Variants in NEGR1 observed in about 807,000 individuals in gnomAD.
The protein encoded by NEGR1 is IgLON family member 4.
NEGR1 carries 10 observed loss-of-function variants against 40.9 expected under a neutral mutation model. The ratio of observed to expected loss-of-function variants is 0.24; its 90% CI spans 0.15 to 0.42. The LOEUF (loss-of-function observed/expected upper bound fraction) is 0.42. NEGR1 is among the 10% of genes least tolerant of loss of function. The probability of loss-of-function intolerance (pLI) is 1.00; values close to 1 mark genes in which losing one functional copy is unlikely to be tolerated. For synonymous variants in NEGR1, 185 were observed against 166.8 expected (o/e 1.11, Z -0.84); for missense variants, 352 against 438.9 (o/e 0.80, Z 1.77).
chr1:71,533,718 T>C (rs1647429719), intron 6 of NEGR1, among the ~76,000 whole-genome samples: 1 of 151,684 alleles, frequency 6.6e-6, no homozygotes, highest in Non-Finnish European at 1.5e-5. Flanking sequence ...AAGATTTCTA[T>C]TTTTAAACTT....
At chr1:71,702,829 T>A (rs1340976292) in intron 3 of NEGR1, among the ~76,000 whole-genome samples, 1 of 151,868 alleles carries the variant, frequency 6.6e-6, no homozygotes, top group Non-Finnish European at 1.5e-5. Flanking sequence ...CAATTAATAT[T>A]CATGGCTTTC....
At chr1:72,143,921 A>ATATATAT (rs1553145026) in intron 1 of NEGR1, among the ~76,000 whole-genome samples, 2,137 of 77,188 alleles carry the variant, frequency 0.028, 66 homozygotes, top group African/African-American at 0.11. Flanking sequence ...TATAATATAT[A>ATATATAT]TATATATATA....
intron 1 of NEGR1, among the ~76,000 whole-genome samples, chr1:72,022,544 A>AAC (rs1304705936): frequency 6.7e-6 from 1 of 150,214 alleles, no homozygotes; most frequent in African/African-American, 2.4e-5. Context: ...CATATATATA[A>AAC]ACACACACAT....
At chr1:71,916,760 GACAAA>G (rs1297006052) in intron 2 of NEGR1, among the ~76,000 whole-genome samples, 3 of 152,030 alleles carry the variant, frequency 2.0e-5, no homozygotes, top group African/African-American at 2.4e-5. Context: ...CTGTAAAAAA[GACAAA>G]ACAAAACAAA....
At chr1:72,111,164 G>A (rs143212910) in intron 1 of NEGR1, among the ~76,000 whole-genome samples, 35 of 150,766 alleles carry the variant, frequency 2.3e-4, no homozygotes, top group African/African-American at 7.5e-4. Context: ...TCAGGTTCTC[G>A]TGGATACTGA....
At chr1:71,669,188 A>G (rs190385822) in intron 4 of NEGR1, among the ~76,000 whole-genome samples, 206 of 152,250 alleles carry the variant, frequency 1.4e-3, no homozygotes, top group Non-Finnish European at 2.7e-3. Flanking sequence ...TGATATTAGT[A>G]AAATTATACC....
At chr1:71,692,494 C>T (rs1653321287) in intron 4 of NEGR1, among the ~76,000 whole-genome samples, 1 of 151,630 alleles carries the variant, frequency 6.6e-6, no homozygotes, top group Non-Finnish European at 1.5e-5. Flanking sequence ...CCGAGATTTT[C>T]CCTTTATTCA....
chr1:71,865,348 A>G (rs1443939652), intron 2 of NEGR1, among the ~76,000 whole-genome samples: 2 of 152,172 alleles, frequency 1.3e-5, no homozygotes, highest in Non-Finnish European at 2.9e-5. Flanking sequence ...ATGCCCATCA[A>G]TGATAGACTT....
intron 1 of NEGR1, among the ~76,000 whole-genome samples, chr1:72,085,269 A>T (rs1648169274): frequency 6.6e-6 from 1 of 152,226 alleles, no homozygotes; most frequent in Non-Finnish European, 1.5e-5. Context: ...AGTATTTGTT[A>T]TAACAGTGTC....
chr1:71,422,339 C>T (rs1389992543), intron 6 of NEGR1, among the ~76,000 whole-genome samples: 1 of 152,182 alleles, frequency 6.6e-6, no homozygotes, highest in Non-Finnish European at 1.5e-5. Flanking sequence ...TGTTACAGAA[C>T]TGGCTTATTT....
At chr1:72,076,304 TG>T (rs1327623192) in intron 1 of NEGR1, among the ~76,000 whole-genome samples, 2 of 152,134 alleles carry the variant, frequency 1.3e-5, no homozygotes, top group African/African-American at 4.8e-5. Flanking sequence ...TCTTTCACGA[TG>T]TGAAGATAAT....
chr1:71,807,111 T>A (rs1484816940), intron 2 of NEGR1, among the ~76,000 whole-genome samples: 2 of 151,958 alleles, frequency 1.3e-5, no homozygotes, highest in East Asian at 3.9e-4. Context: ...TTAGCCAGGA[T>A]GGTCTCAATC....
chr1:72,007,513 T>G (rs1221018893), intron 1 of NEGR1, among the ~76,000 whole-genome samples: 1 of 152,186 alleles, frequency 6.6e-6, no homozygotes. Context: ...AGGTCATTTC[T>G]GACTTTTCTC....
intron 1 of NEGR1, among the ~76,000 whole-genome samples, chr1:72,062,259 T>C (rs1044049176): frequency 6.6e-6 from 1 of 151,830 alleles, no homozygotes; most frequent in African/African-American, 2.4e-5. Context: ...CTTTCTTCAA[T>C]TGGTAAGCTT....
At chr1:72,236,524 A>G (rs1654552057) in intron 1 of NEGR1, among the ~76,000 whole-genome samples, 1 of 152,090 alleles carries the variant, frequency 6.6e-6, no homozygotes, top group African/African-American at 2.4e-5. Flanking sequence ...TGTCTAGTTC[A>G]TCATTGGAAA....
chr1:71,848,439 G>A (rs567591436), intron 2 of NEGR1, among the ~76,000 whole-genome samples: 1 of 152,254 alleles, frequency 6.6e-6, no homozygotes, highest in East Asian at 1.9e-4. Flanking sequence ...TGCAGCTGGT[G>A]ACTTTATGTT....
At chr1:72,281,400 G>A (rs1356951800) in intron 1 of NEGR1, among the ~76,000 whole-genome samples, 2 of 148,378 alleles carry the variant, frequency 1.3e-5, no homozygotes, top group African/African-American at 5.3e-5. Context: ...GCCAGTGCAT[G>A]TGAGGATGTG....
chr1:72,098,142 G>C (rs960125560), intron 1 of NEGR1, among the ~76,000 whole-genome samples: 1 of 152,072 alleles, frequency 6.6e-6, no homozygotes. Flanking sequence ...ACAGGAAAAA[G>C]AACAAGAAGC....
At chr1:71,510,493 A>G (rs182556401) in intron 6 of NEGR1, among the ~76,000 whole-genome samples, 1 of 152,358 alleles carries the variant, frequency 6.6e-6, no homozygotes, top group East Asian at 1.9e-4. Context: ...GTAACAAACC[A>G]CATGGCTCAT....
Sources: allele counts gnomAD v4.1 joint callset (sites outside exome capture counted in the v4.1 genomes callset), GRCh38; gene constraint gnomAD v4.1.1; transcripts MANE v1.5; gene names NCBI Gene and HGNC (gene_info 2026-07-23, HGNC 2026-07-21).